CSE1L: variants seen among roughly 807,000 people sequenced by gnomAD.
CSE1L encodes chromosome segregation 1 like.
Under a neutral mutation model 120.4 loss-of-function variants are expected in CSE1L, and 24 were observed. The ratio of observed to expected loss-of-function variants is 0.20; its 90% CI spans 0.14 to 0.28. The LOEUF (loss-of-function observed/expected upper bound fraction) is 0.28. Among genes scored for constraint, CSE1L ranks in the 10% least tolerant of loss-of-function variants. The pLI, the probability that CSE1L is intolerant of heterozygous loss-of-function variation, is 1.00. For missense variants in CSE1L, 830 were observed against 1,145.2 expected, an observed-to-expected ratio of 0.72 and a Z score of 3.97; for synonymous variants, 402 against 398.3, an observed-to-expected ratio of 1.01 and a Z score of -0.11.
chr20:49,089,639 C>T lies in CSE1L; in HGVS notation c.2074C>T (p.Pro692Ser). The change falls in exon 19 of 25, where the codon CCA (proline) becomes TCA (serine). Residue 692 changes from proline to serine, a missense_variant. This residue lies in a region of CSE1L where 168 missense variants were observed against 267.9 expected (regional missense o/e 0.63). Coordinates refer to ENST00000262982, the MANE Select transcript of CSE1L (RefSeq NM_001316.4). ...GGCCTTATTTCCTCATCTCCTTCAG[C>T]CAGTGCTTTGGGAAAGAACAGGAAA... ...YMALFPHLLQ[P>S]VLWERTGNIP... 1 of 1,614,112 alleles carries T rather than the reference C, an allele frequency of 6.2e-7. No homozygotes were observed. Among genetic ancestry groups the T allele is most frequent in the Non-Finnish European group, 8.5e-7 (1 of 1,179,976 alleles).
At chr20:49,047,556 TC>T (rs1418004397) in intron 1 of CSE1L, among the ~76,000 whole-genome samples, 14 of 106,470 alleles carry the variant, frequency 1.3e-4, no homozygotes, top group African/African-American at 4.0e-4. Context: ...CTTTTTCTTT[TC>T]TCTTTTCTTT....
intron 22 of CSE1L, among the ~76,000 whole-genome samples, chr20:49,092,416 A>G (rs1178350707): frequency 1.9e-4 from 29 of 152,032 alleles, no homozygotes; most frequent in Admixed American, 1.9e-3. Flanking sequence ...AAAAAAAGAA[A>G]AAACACCCTG....
chr20:49,061,537 C>G (rs1232442758), intron 2 of CSE1L, among the ~76,000 whole-genome samples: 1 of 148,860 alleles, frequency 6.7e-6, no homozygotes, highest in Non-Finnish European at 1.5e-5. Context: ...CAGAGTCTCA[C>G]TCTTGCCCAG....
intron 2 of CSE1L, among the ~76,000 whole-genome samples, chr20:49,061,109 G>T (rs1308177858): frequency 1.3e-5 from 2 of 151,968 alleles, no homozygotes; most frequent in Non-Finnish European, 2.9e-5. Flanking sequence ...GAAGTTAATG[G>T]CTCTAATCTT....
At chr20:49,048,996 A>C (rs2091743688) in intron 1 of CSE1L, among the ~76,000 whole-genome samples, 1 of 152,184 alleles carries the variant, frequency 6.6e-6, no homozygotes, top group Admixed American at 6.5e-5. Context: ...TTATTCCAGA[A>C]ATCTCCACCT....
At chr20:49,091,187 C>T (rs554280760) in intron 21 of CSE1L, among the ~76,000 whole-genome samples, 165 bp downstream of exon 21, 9 of 152,192 alleles carry the variant, frequency 5.9e-5, no homozygotes, top group African/African-American at 1.9e-4. Flanking sequence ...CTTTGGGTGG[C>T]CAAGGGAGGC....
Position 49,066,503 on chromosome 20 carries a change from T to C in CSE1L, c.469T>C (p.Phe157Leu), listed in dbSNP as rs948317350. ...NGVLRTAHSL[F>L]KRYRHEFKSN... ...AGTCCTCCGTACAGCACATTCATTA[T>C]TTAAAAGGTATTGATGCATAGATTC... The change falls in exon 5 of 25, where the codon TTT becomes CTT. Residue 157 changes from phenylalanine to leucine, a missense_variant. Phe to Leu is a conservative substitution (Grantham distance 22). Coordinates refer to ENST00000262982, the MANE Select transcript of CSE1L (RefSeq NM_001316.4). 7 of 1,610,196 alleles carry C rather than the reference T, an allele frequency of 4.3e-6. No individual in the cohort carries two copies. The highest frequency in any genetic ancestry group is 5.9e-6 in the Non-Finnish European group (7 of 1,178,504).
intron 13 of CSE1L, among the ~76,000 whole-genome samples, 177 bp downstream of exon 13, chr20:49,077,241 C>T (rs1480396139): frequency 2.7e-5 from 4 of 146,178 alleles, no homozygotes; most frequent in Non-Finnish European, 6.0e-5. Context: ...CTCACTGCAA[C>T]TCCTGCCTCC....
At position 49,089,364 on chromosome 20, in the gene CSE1L, G is replaced by A. The variant is rs2145752017; in HGVS notation, c.1939G>A (p.Val647Met). 1 of 1,610,784 alleles carries A rather than the reference G, an allele frequency of 6.2e-7. No individual in the cohort carries two copies. Among genetic ancestry groups the A allele is most frequent in the Non-Finnish European group, 8.5e-7 (1 of 1,179,232 alleles). ...AAATTTTGAGGAGGCTTTGTTTTTG[G>A]TGTTTACTGAAATCTTACAAAATGA... ...VVNFEEALFL[V>M]FTEILQNDVQ... Residue 647 changes from valine (V) to methionine (M), a missense_variant, in exon 18 of 25, where the codon GTG becomes ATG. Around this residue, in one of 4 missense-constraint regions of CSE1L, gnomAD observed 168 missense variants for 267.9 expected, o/e 0.63. Transcript: ENST00000262982.
At chr20:49,071,967 CAAAAAA>C (rs569520524) in intron 8 of CSE1L, among the ~76,000 whole-genome samples, 4 of 109,350 alleles carry the variant, frequency 3.7e-5, no homozygotes, top group African/African-American at 1.0e-4. Flanking sequence ...GACTGCGTCT[CAAAAAA>C]AAAAAAAAAA....
Position 49,070,287 on chromosome 20 carries a change from T to C in CSE1L, c.758T>C (p.Leu253Ser), listed in dbSNP as rs1194459169. The C allele has an allele frequency of 1.5e-6, 2 of 1,358,926 alleles. No homozygotes were observed. Among genetic ancestry groups the C allele is most frequent in the Non-Finnish European group, 2.1e-6 (2 of 971,946 alleles). 84.2% of individuals were successfully genotyped at this position (1,358,926 alleles called of 1,614,324 possible). The stretch of plus-strand genomic sequence containing the variant: ...CTCTTAACATTGGATAATAAGCTTT[T>C]ACAAACTGATGTAAGTATTTAAAAT... Reference protein sequence around the residue: ...HTLLTLDNKLLQTDDEEEAGL... With the variant: ...HTLLTLDNKLSQTDDEEEAGL... Residue 253 changes from leucine (L) to serine (S), a missense_variant, in exon 8 of 25, where the codon TTA (leucine) becomes TCA (serine). Leu to Ser is a moderately radical substitution (Grantham distance 145). Transcript: ENST00000262982.
In CSE1L at chr20:49,075,536, G is replaced by A. The variant is rs1169519588; in HGVS notation, c.1335+16G>A. The A allele has an allele frequency of 1.2e-6, 2 of 1,609,706 alleles. No homozygotes were observed. The highest frequency in any genetic ancestry group is 1.7e-5 in the Admixed American group (1 of 59,952). Reference sequence around the variant, plus strand: ...AACACAGAAGGTAAATATTTTTAATGTGGTTTTGTTTCTAAAACAGACATC... The same window carrying A: ...AACACAGAAGGTAAATATTTTTAATATGGTTTTGTTTCTAAAACAGACATC... On this transcript the variant is annotated intron_variant, in intron 12 of 24. Transcript: ENST00000262982.
chr20:49,078,432 CATAAT>C (rs2091985548), intron 13 of CSE1L, 124 bp from the exon 14 acceptor site: 1 of 611,932 alleles, frequency 1.6e-6, no homozygotes, highest in East Asian at 3.3e-5. Context: ...AATAGTAAAT[CATAAT>C]ATAATTAACT....
At chr20:49,047,125 G>A (rs1033657745) in intron 1 of CSE1L, among the ~76,000 whole-genome samples, 2 of 152,224 alleles carry the variant, frequency 1.3e-5, no homozygotes, top group Non-Finnish European at 2.9e-5. Flanking sequence ...TGGTGGTTCG[G>A]AGCATAGACT....
intron 1 of CSE1L, among the ~76,000 whole-genome samples, chr20:49,051,002 A>G (rs747056870): frequency 2.0e-5 from 3 of 152,260 alleles, no homozygotes; most frequent in African/African-American, 4.8e-5. Flanking sequence ...CAACAAATAT[A>G]TAACGGGTGC....
In CSE1L at chr20:49,066,406, A is replaced by G. The variant is rs769171259; in HGVS notation, c.372A>G (p.Pro124=). The G allele has an allele frequency of 1.2e-6, 2 of 1,614,102 alleles. No homozygotes were observed. The highest frequency in any genetic ancestry group is 1.3e-5 in the African/African-American group (1 of 74,944). The change falls in exon 5 of 25, where the codon CCA becomes CCG. Residue 124 remains proline (P), a synonymous_variant. Transcript: ENST00000262982. ...AISIIGREDF[P]QKWPDLLTEM... ...GCATTATTGGCAGAGAAGATTTTCC[A>G]CAGAAATGGCCTGACTTGCTGACAG...
chr20:49,070,461 C>T (rs570345883), intron 8 of CSE1L, among the ~76,000 whole-genome samples, 164 bp downstream of exon 8: 2 of 152,240 alleles, frequency 1.3e-5, no homozygotes, highest in South Asian at 4.2e-4. Context: ...GTGTAGTATA[C>T]AGAATTACTC....
chr20:49,096,670 A>G lies in CSE1L; in HGVS notation c.*232A>G. Reference sequence around the variant, plus strand: ...TTGCAACTTCAAGGGACAAGTATTAATAGTTCAGTGTATGGCGTTGGTTTG... The same window carrying G: ...TTGCAACTTCAAGGGACAAGTATTAGTAGTTCAGTGTATGGCGTTGGTTTG... On this transcript the variant is annotated 3_prime_UTR_variant, in exon 25 of 25. Coordinates refer to ENST00000262982, the MANE Select transcript of CSE1L (RefSeq NM_001316.4). 1.8e-6 allele frequency: 1 copy of G among 568,766 alleles called. No individual in the cohort carries two copies. Among genetic ancestry groups the G allele is most frequent in the East Asian group, 3.0e-5 (1 of 33,862 alleles). The allele number at this position is 568,766 out of a possible 1,614,324, so 35.2% of individuals were successfully genotyped here.
intron 10 of CSE1L, among the ~76,000 whole-genome samples, chr20:49,073,875 G>A (rs2091949570): frequency 6.6e-6 from 1 of 152,200 alleles, no homozygotes; most frequent in South Asian, 2.1e-4. Context: ...ACAATATAGC[G>A]TGAGATTTTA....
Sources: allele counts gnomAD v4.1 joint callset (sites outside exome capture counted in the v4.1 genomes callset), GRCh38; gene constraint gnomAD v4.1.1; regional missense constraint gnomAD v4.1.1; transcripts MANE v1.5; gene names NCBI Gene and HGNC (gene_info 2026-07-23, HGNC 2026-07-21).